Variants in LUZP1 observed in about 807,000 individuals in gnomAD.
LUZP1 encodes leucine zipper protein 1.
In LUZP1, 25 loss-of-function variants were observed where a neutral mutation model predicts 71.3. The ratio of observed to expected loss-of-function variants is 0.35; its 90% CI spans 0.26 to 0.49. The LOEUF is 0.49. LUZP1 is among the 20% of genes least tolerant of loss of function. The probability of loss-of-function intolerance (pLI) is 0.99; values close to 1 mark genes in which losing one functional copy is unlikely to be tolerated. For synonymous variants in LUZP1, 481 were observed against 506.4 expected (o/e 0.95, Z 0.67); for missense variants, 1,142 against 1,300.8 (o/e 0.88, Z 1.88).
At chr1:23,092,732 C>T (rs766743950) in exon 4 of LUZP1, 26 of 1,613,872 alleles carry the variant, frequency 1.6e-5, no homozygotes, top group East Asian at 2.2e-5. Context: ...TGTCACTAAA[C>T]GTTCGTGTTG....
chr1:23,088,212 G>C (rs1472055454), exon 5 of LUZP1: 1 of 152,928 alleles, frequency 6.5e-6, no homozygotes, highest in Non-Finnish European at 1.5e-5. Context: ...AGCTGGGGTT[G>C]GGGAGGGATG....
chr1:23,141,783 G>C (rs1173733422), intron 2 of LUZP1, among the ~76,000 whole-genome samples: 1 of 151,902 alleles, frequency 6.6e-6, no homozygotes, highest in Non-Finnish European at 1.5e-5. Context: ...GGGCTCAAGC[G>C]ATCCTCTCAC....
intron 4 of LUZP1, chr1:23,090,692 G>A (rs527843667): frequency 6.1e-5 from 37 of 607,772 alleles, no homozygotes; most frequent in South Asian, 2.8e-4. Context: ...TGTAAGCCCC[G>A]GCTCTCCTCA....
intron 2 of LUZP1, among the ~76,000 whole-genome samples, chr1:23,150,844 T>G (rs565574258): frequency 6.6e-6 from 1 of 152,306 alleles, no homozygotes; most frequent in Admixed American, 6.5e-5. Context: ...TGAAATATCC[T>G]TTAATTTCAT....
intron 2 of LUZP1, among the ~76,000 whole-genome samples, chr1:23,125,750 C>A (rs898522828): frequency 2.6e-5 from 4 of 152,120 alleles, no homozygotes; most frequent in Non-Finnish European, 5.9e-5. Flanking sequence ...GAGATTAAAG[C>A]CAGAAGTTAA....
intron 3 of LUZP1, among the ~76,000 whole-genome samples, chr1:23,108,763 G>A (rs1481778177): frequency 6.6e-6 from 1 of 152,168 alleles, no homozygotes; most frequent in African/African-American, 2.4e-5. Flanking sequence ...ACAGGACTGC[G>A]CCCGACATAG....
At chr1:23,176,951 C>T (rs1286154470) in intron 1 of LUZP1, among the ~76,000 whole-genome samples, 2 of 152,014 alleles carry the variant, frequency 1.3e-5, no homozygotes, top group South Asian at 2.1e-4. Flanking sequence ...ACACAATCAC[C>T]CCTCACCACA....
chr1:23,147,333 C>T (rs1169595796), intron 2 of LUZP1, among the ~76,000 whole-genome samples: 4 of 149,300 alleles, frequency 2.7e-5, no homozygotes, highest in East Asian at 2.0e-4. Context: ...CCCAGCTACT[C>T]GGGAGGCTGA....
intron 2 of LUZP1, among the ~76,000 whole-genome samples, chr1:23,166,138 T>C (rs1342164097): frequency 1.3e-5 from 2 of 151,148 alleles, no homozygotes; most frequent in African/African-American, 2.4e-5. Flanking sequence ...TATTGGAGAA[T>C]AGACTTAAAT....
intron 2 of LUZP1, among the ~76,000 whole-genome samples, chr1:23,161,639 A>AT (rs2148205906): frequency 6.6e-6 from 1 of 152,358 alleles, no homozygotes; most frequent in Non-Finnish European, 1.5e-5. Context: ...TAACAGAGGC[A>AT]TAATGGGCAA....
At position 23,138,667 on chromosome 1, in the gene LUZP1, G is replaced by GTT. The variant is rs1257021307; in HGVS notation, c.-225-29541_-225-29540insAA. On this transcript the variant is annotated intron_variant, in intron 2 of 4. Coordinates refer to ENST00000302291, the Ensembl canonical transcript of LUZP1. Reference sequence around the variant, plus strand: ...TATGGTATATGGATTATGTGTTTGTGTGTGTGTGTGTGTGTGTGTGTGTGT... The same window carrying GTT: ...TATGGTATATGGATTATGTGTTTGTGTTTGTGTGTGTGTGTGTGTGTGTGTGT... Among the ~76,000 whole-genome samples, 7 of 98,434 alleles carry GTT rather than the reference G, an allele frequency of 7.1e-5. 1 individual carries two copies. The highest frequency in any genetic ancestry group is 1.3e-4 in the Non-Finnish European group (7 of 52,666). The allele number at this position is 98,434 out of a possible 152,430, so 64.6% of individuals were successfully genotyped here. A position where few individuals can be genotyped will look rare whatever the true frequency, so the allele number is the denominator to read the frequency against.
chr1:23,111,731 C>CGAAA (rs1644034743), intron 2 of LUZP1, among the ~76,000 whole-genome samples: 1 of 151,780 alleles, frequency 6.6e-6, no homozygotes, highest in Non-Finnish European at 1.5e-5. Flanking sequence ...ACAGACTTTC[C>CGAAA]GTCCTACCCC....
chr1:23,153,899 G>A, intron 2 of LUZP1, among the ~76,000 whole-genome samples: 1 of 152,130 alleles, frequency 6.6e-6, no homozygotes, highest in East Asian at 1.9e-4. Context: ...GGGCAACAGA[G>A]TGAGACTCTA....
intron 2 of LUZP1, among the ~76,000 whole-genome samples, chr1:23,151,372 A>G (rs1442077127): frequency 6.6e-6 from 1 of 152,114 alleles, no homozygotes; most frequent in African/African-American, 2.4e-5. Flanking sequence ...CCCCCTTTGC[A>G]TGCTCAGACA....
chr1:23,123,215 C>T (rs1296187991), intron 2 of LUZP1, among the ~76,000 whole-genome samples: 5 of 152,198 alleles, frequency 3.3e-5, no homozygotes, highest in Admixed American at 3.3e-4. Context: ...TTAGGCTGGC[C>T]GGGCGCGGTG....
intron 2 of LUZP1, among the ~76,000 whole-genome samples, chr1:23,163,118 T>C (rs1233227791): frequency 1.3e-5 from 2 of 151,144 alleles, no homozygotes; most frequent in East Asian, 2.0e-4. Context: ...CAGGCACCTG[T>C]ACTCCCAGCT....
At chr1:23,164,482 A>T (rs1389330192) in intron 2 of LUZP1, among the ~76,000 whole-genome samples, 2 of 151,674 alleles carry the variant, frequency 1.3e-5, no homozygotes. Flanking sequence ...ACACAGTGAG[A>T]CACCGTCTCA....
At chr1:23,117,786 C>T (rs1644097369) in intron 2 of LUZP1, among the ~76,000 whole-genome samples, 2 of 152,008 alleles carry the variant, frequency 1.3e-5, no homozygotes, top group South Asian at 4.2e-4. Context: ...ACGTCAAAGT[C>T]TACATTATTA....
chr1:23,151,390 A>T (rs969105927), intron 2 of LUZP1, among the ~76,000 whole-genome samples: 2 of 152,160 alleles, frequency 1.3e-5, no homozygotes, highest in African/African-American at 4.8e-5. Context: ...ACAGGATGGA[A>T]AAGGATAGAT....
Sources: allele counts gnomAD v4.1 joint callset (sites outside exome capture counted in the v4.1 genomes callset), GRCh38; gene constraint gnomAD v4.1.1; transcripts MANE v1.5; gene names NCBI Gene and HGNC (gene_info 2026-07-23, HGNC 2026-07-21).